The following NSD3 variants were observed in gnomAD, a reference collection of about 807,000 sequenced individuals.
NSD3 encodes the protein histone-lysine N-methyltransferase NSD3.
A neutral mutation model predicts 160.8 loss-of-function variants in NSD3; 24 were observed. That is an observed-to-expected ratio of 0.15 (90% CI 0.11 to 0.21). The LOEUF (loss-of-function observed/expected upper bound fraction) is 0.21, where lower values mean the gene tolerates loss of function less well. Ranked by LOEUF, NSD3 falls within the 10% of genes least tolerant of loss-of-function variation. The pLI is 1.00. For missense variants in NSD3, 1,157 were observed against 1,735.9 expected (o/e 0.67, Z 5.93); for synonymous variants, 520 against 600.0 (o/e 0.87, Z 1.95).
Position 38,304,769 on chromosome 8 carries a change from C to T in NSD3, c.2441-12G>A, listed in dbSNP as rs766189663. The T allele has an allele frequency of 6.3e-7, 1 of 1,585,518 alleles. No homozygotes were observed. The highest frequency in any genetic ancestry group is 8.5e-7 in the Non-Finnish European group (1 of 1,169,724). On this transcript the variant is annotated splice_polypyrimidine_tract_variant and intron_variant, in intron 13 of 23. Coordinates refer to ENST00000317025, the MANE Select transcript of NSD3 (RefSeq NM_023034.2). ...TCTCATCATGCGGCCTGTTTAAAGACAAGTCAAAAAGGAATCTAATAAGGC... is the reference window on the plus strand; with the variant it reads ...TCTCATCATGCGGCCTGTTTAAAGATAAGTCAAAAAGGAATCTAATAAGGC...
intron 14 of NSD3, among the ~76,000 whole-genome samples, chr8:38,301,061 C>T (rs928288367): frequency 6.6e-6 from 1 of 152,138 alleles, no homozygotes; most frequent in African/African-American, 2.4e-5. Flanking sequence ...CCTCAACCTC[C>T]TGGGCTCGAG....
At chr8:38,293,922 CAAAAAAAAAAAAAAAAAAAA>C (rs11290856) in intron 16 of NSD3, among the ~76,000 whole-genome samples, 1 of 49,932 alleles carries the variant, frequency 2.0e-5, no homozygotes, top group African/African-American at 9.3e-5. Flanking sequence ...GACTCCGTCT[CAAAAAAAAAAAAAAAAAAAA>C]AAAAAAAAAA....
At position 38,288,705 on chromosome 8, in the gene NSD3, T is replaced by C; in HGVS notation, c.3283A>G (p.Ile1095Val). 6.2e-7 allele frequency: 1 copy of C among 1,614,230 alleles called. No individual in the cohort carries two copies. The highest frequency in any genetic ancestry group is 8.5e-7 in the Non-Finnish European group (1 of 1,180,042). The change falls in exon 19 of 24, where the codon ATT becomes GTT. Residue 1095 changes from isoleucine (I) to valine (V), a missense_variant. Ile to Val is a conservative substitution (Grantham distance 29, BLOSUM62 3). Transcript: ENST00000317025. This position sits in a 1 kb window ranked among gnomAD's most constrained non-coding sequence, Gnocchi z 4.5. ...VQIQVADLSE[I>V]PRCNCKPADE... is the part of the protein sequence containing the mutation. ...GCTGGCTTGCAGTTACAGCGGGGAA[T>C]CTCTGACAGGTCAGCAACCTGGATC...
At position 38,331,412 on chromosome 8, in the gene NSD3, A is replaced by G. The variant is rs1810058811; in HGVS notation, c.1065+19T>C. The G allele has an allele frequency of 6.4e-7, 1 of 1,572,702 alleles. No homozygotes were observed. Reference sequence around the variant, plus strand: ...CTTTAAAAACCATACTAGGTAAATAATATTAACATGTTAGTTACCTTTTGT... The same window carrying G: ...CTTTAAAAACCATACTAGGTAAATAGTATTAACATGTTAGTTACCTTTTGT... On this transcript the variant is annotated intron_variant, in intron 5 of 23. Coordinates refer to ENST00000317025, the MANE Select transcript of NSD3 (RefSeq NM_023034.2).
intron 14 of NSD3, among the ~76,000 whole-genome samples, chr8:38,304,352 G>A (rs1299141894): frequency 6.6e-6 from 1 of 152,144 alleles, no homozygotes; most frequent in Non-Finnish European, 1.5e-5. Flanking sequence ...TTTTAGAAAT[G>A]CAGATTTTAG....
intron 2 of NSD3, among the ~76,000 whole-genome samples, chr8:38,345,425 C>T (rs1585908115): frequency 6.6e-6 from 1 of 151,824 alleles, no homozygotes; most frequent in South Asian, 2.1e-4. Flanking sequence ...GGATTTCCCC[C>T]CAAGACTCGA....
In NSD3 at chr8:38,318,763, G is replaced by A; in HGVS notation, c.1855+132C>T. 1 of 794,722 alleles carries A rather than the reference G, an allele frequency of 1.3e-6. No homozygotes were observed. The highest frequency in any genetic ancestry group is 1.5e-5 in the South Asian group (1 of 65,808). 49.2% of individuals were successfully genotyped at this position (794,722 alleles called of 1,614,324 possible). On this transcript the variant is annotated intron_variant, in intron 9 of 23. Coordinates refer to ENST00000317025, the MANE Select transcript of NSD3 (RefSeq NM_023034.2). This position sits in a 1 kb window ranked among gnomAD's most constrained non-coding sequence, Gnocchi z 5.3. ...AGTCACACACACACACGAACACTGG[G>A]GAATACTGCAATTTCACACTGAAGA...
chr8:38,315,634 A>G (rs1036212521), intron 10 of NSD3, 90 bp from the exon 11 acceptor site: 14 of 1,537,388 alleles, frequency 9.1e-6, no homozygotes, highest in Non-Finnish European at 1.2e-5. Flanking sequence ...AGACTTGCTC[A>G]AACATTAGAT....
In NSD3 at chr8:38,329,359, C is replaced by T. The variant is rs1367999490; in HGVS notation, c.1581+19G>A. 1 of 1,595,544 alleles carries T rather than the reference C, an allele frequency of 6.3e-7. No individual in the cohort carries two copies. The highest frequency in any genetic ancestry group is 8.6e-7 in the Non-Finnish European group (1 of 1,168,722). ...TTAAAATACCATCCCCCAAAAAACT[C>T]CACGAAAAAAGGAGGTACCTTTGTT... is the stretch of plus-strand genomic sequence containing the variant. On this transcript the variant is annotated intron_variant, in intron 6 of 23. Transcript: ENST00000317025. This position sits in a 1 kb window ranked among gnomAD's most constrained non-coding sequence, Gnocchi z 4.8.
rs995964796 is a variant in NSD3, at chr8:38,316,588, G to A, written c.1856-546C>T. On this transcript the variant is annotated intron_variant, in intron 9 of 23. Coordinates refer to ENST00000317025, the MANE Select transcript of NSD3 (RefSeq NM_023034.2). This position sits in a 1 kb window ranked among gnomAD's most constrained non-coding sequence, Gnocchi z 4.5. ...TTTGGATGTTCATAATTGTTCATCT[G>A]AGACTTCCTTGGTGAAGTGGCATTT... The A allele has an allele frequency of 6.7e-6, 7 of 1,051,574 alleles. No individual in the cohort carries two copies. Among genetic ancestry groups the A allele is most frequent in the Non-Finnish European group, 8.0e-6 (7 of 870,772 alleles). 65.1% of individuals were successfully genotyped at this position (1,051,574 alleles called of 1,614,324 possible).
chr8:38,290,383 C>A, intron 17 of NSD3, 92 bp downstream of exon 17: 1 of 1,339,866 alleles, frequency 7.5e-7, no homozygotes, highest in Non-Finnish European at 1.1e-6. Context: ...TGAAAATTCT[C>A]TAATACCAGA....
chr8:38,317,638 T>TAATG lies in NSD3; in HGVS notation c.1855+1253_1855+1256dup. ...TTGGCAAACCCCTGCAGATGTGCAT[T>TAATG]AATGATGCTTTATTTAAAAACAAAA... On this transcript the variant is annotated intron_variant, in intron 9 of 23. Transcript: ENST00000317025. The surrounding 1 kb of genome is among the most constrained non-coding windows in gnomAD (Gnocchi z 5.3). The TAATG allele has an allele frequency of 8.4e-7, 1 of 1,189,792 alleles. No homozygotes were observed. The highest frequency in any genetic ancestry group is 1.0e-6 in the Non-Finnish European group (1 of 953,950). 73.7% of individuals were successfully genotyped at this position (1,189,792 alleles called of 1,614,324 possible).
intron 3 of NSD3, 73 bp from the exon 4 acceptor site, chr8:38,337,540 C>T (rs1306491684): frequency 2.3e-6 from 3 of 1,279,224 alleles, no homozygotes; most frequent in Non-Finnish European, 3.1e-6. Context: ...ATTAAAAATG[C>T]TAACAATGTA....
intron 2 of NSD3, among the ~76,000 whole-genome samples, chr8:38,346,775 T>C (rs1389970144): frequency 2.0e-5 from 3 of 152,134 alleles, no homozygotes; most frequent in African/African-American, 7.2e-5. Context: ...ATAAATTAAC[T>C]TATTCAGGTA....
intron 1 of NSD3, among the ~76,000 whole-genome samples, chr8:38,369,938 G>A (rs950660531): frequency 4.6e-5 from 7 of 152,024 alleles, no homozygotes; most frequent in Non-Finnish European, 7.4e-5. Flanking sequence ...GGGACTACAC[G>A]CGTGCACCAC....
chr8:38,284,080 G>A (rs1443054431), intron 19 of NSD3, among the ~76,000 whole-genome samples: 1 of 152,106 alleles, frequency 6.6e-6, no homozygotes, highest in Non-Finnish European at 1.5e-5. Context: ...TCCAACCTGG[G>A]TGACAGGGCA....
rs920676097 is a variant in NSD3, at chr8:38,270,921, C to CAAAAA, written c.*4715_*4719dup. 2.6e-5 allele frequency: 4 copies of CAAAAA among 152,112 alleles called. No individual in the cohort carries two copies. Among genetic ancestry groups the CAAAAA allele is most frequent in the Non-Finnish European group, 5.9e-5 (4 of 67,994 alleles). The allele number at this position is 152,112 out of a possible 1,614,324, so 9.4% of individuals were successfully genotyped here. On this transcript the variant is annotated 3_prime_UTR_variant, in exon 24 of 24. Transcript: ENST00000317025. ...ATGCAATGGACTGACCAAAACAAAA[C>CAAAAA]AAAAAACAGAAATGTTTTTTGAAAG...
chr8:38,298,564 A>G (rs1809209807), intron 15 of NSD3, among the ~76,000 whole-genome samples: 1 of 151,800 alleles, frequency 6.6e-6, no homozygotes, highest in East Asian at 1.9e-4. Context: ...GTGTGTATAG[A>G]GTATATTAGT....
chr8:38,327,718 G>GA (rs1423214923), intron 6 of NSD3, among the ~76,000 whole-genome samples: 3 of 151,980 alleles, frequency 2.0e-5, no homozygotes, highest in Admixed American at 6.5e-5. Context: ...CTATTACACA[G>GA]AAAAAAATGC....
Sources: allele counts gnomAD v4.1 joint callset (sites outside exome capture counted in the v4.1 genomes callset), GRCh38; gene constraint gnomAD v4.1.1; non-coding constraint Gnocchi (gnomAD v3.1); transcripts MANE v1.5; gene names NCBI Gene and HGNC (gene_info 2026-07-23, HGNC 2026-07-21).